Variants in TEX10 observed in about 807,000 individuals in gnomAD.
TEX10 encodes the protein testis expressed 10, also known as testis-expressed protein 10.
TEX10 carries 24 observed loss-of-function variants against 104.4 expected under a neutral mutation model. That is an observed-to-expected ratio of 0.23 (90% CI 0.17 to 0.32). TEX10 has a LOEUF of 0.32. Ranked by LOEUF, TEX10 falls within the 10% of genes least tolerant of loss-of-function variation. The pLI is 1.00. For missense variants in TEX10, 921 were observed against 1,083.9 expected (o/e 0.85, Z 2.11); for synonymous variants, 396 against 393.4 (o/e 1.01, Z -0.08).
intron 13 of TEX10, chr9:100,304,086 G>T: frequency 1.8e-6 from 1 of 544,670 alleles, no homozygotes; most frequent in Non-Finnish European, 3.3e-6. Context: ...ACACTGCTGA[G>T]AGAAATCACA....
intron 4 of TEX10, among the ~76,000 whole-genome samples, chr9:100,342,860 T>A (rs1261156966): frequency 6.6e-6 from 1 of 152,082 alleles, no homozygotes; most frequent in African/African-American, 2.4e-5. Context: ...AAAAACTAGC[T>A]ATATCGGCCG....
chr9:100,311,562 C>T lies in TEX10; in HGVS notation c.2203-1183G>A, dbSNP rs537099698. On this transcript the variant is annotated intron_variant, in intron 11 of 14. Transcript: ENST00000374902. ...GGGCTAACAAAAGCTTTTTTTTGCC[C>T]ACCTGATAGAGAAATGTATCACAGA... Among the ~76,000 whole-genome samples, 18 of 152,102 alleles carry T rather than the reference C, an allele frequency of 1.2e-4. No homozygotes were observed. The South Asian group carries it at 1.2e-3, about 11-fold the overall frequency.
At position 100,309,190 on chromosome 9, in the gene TEX10, G is replaced by A. The variant is rs189633967; in HGVS notation, c.2284-509C>T. Among the ~76,000 whole-genome samples the A allele has an allele frequency of 1.5e-3, 229 of 152,210 alleles. 1 individual carries two copies. The highest frequency in any genetic ancestry group is 2.7e-3 in the Non-Finnish European group (183 of 68,006). On this transcript the variant is annotated intron_variant, in intron 12 of 14. Coordinates refer to ENST00000374902, the MANE Select transcript of TEX10 (RefSeq NM_017746.4). Reference sequence around the variant, plus strand: ...GACATGAATAAACATACCTCTACTGGAGTCAGTAAAAGATATTACTATAGT... The same window carrying A: ...GACATGAATAAACATACCTCTACTGAAGTCAGTAAAAGATATTACTATAGT...
In TEX10 at chr9:100,321,749, A is replaced by T; in HGVS notation, c.2002T>A (p.Tyr668Asn). 1.2e-6 allele frequency: 2 copies of T among 1,612,394 alleles called. No individual in the cohort carries two copies. The highest frequency in any genetic ancestry group is 1.7e-6 in the Non-Finnish European group (2 of 1,179,620). The change falls in exon 10 of 15, where the codon TAT becomes AAT. Residue 668 changes from tyrosine (Y) to asparagine (N), a missense_variant. Coordinates refer to ENST00000374902, the MANE Select transcript of TEX10 (RefSeq NM_017746.4). The stretch of plus-strand genomic sequence containing the variant: ...CTCATCAACCAGTCTTTAGCTGAAT[A>T]CTTCCACCCAGAAAATGATGATCTA... ...HMRSSFSGWK[Y>N]SAKDWLMSDV...
At chr9:100,343,884 G>A (rs1032736284) in intron 4 of TEX10, among the ~76,000 whole-genome samples, 2 of 152,180 alleles carry the variant, frequency 1.3e-5, no homozygotes, top group African/African-American at 4.8e-5. Flanking sequence ...AGAGGCTCAT[G>A]CCTGTAATCT....
chr9:100,313,346 C>T (rs2118843257), intron 11 of TEX10, among the ~76,000 whole-genome samples: 1 of 151,682 alleles, frequency 6.6e-6, no homozygotes, highest in South Asian at 2.1e-4. Context: ...GAAACCCTGT[C>T]TCTACTAAAT....
chr9:100,339,089 A>C (rs1372643183), intron 5 of TEX10, among the ~76,000 whole-genome samples: 1 of 151,052 alleles, frequency 6.6e-6, no homozygotes, highest in Non-Finnish European at 1.5e-5. Context: ...CCCTGTCTCT[A>C]CTAAAAATAC....
In TEX10 at chr9:100,336,960, C is replaced by A. The variant is rs756587732; in HGVS notation, c.1250+3297G>T. On this transcript the variant is annotated intron_variant, in intron 5 of 14. Transcript: ENST00000374902. ...TTTGCTAAAAATCCCTCAATTTCAT[C>A]ATCTCAACCTCCTCATAAAGTTAAT... Among the ~76,000 whole-genome samples, 9 of 152,272 alleles carry A rather than the reference C, an allele frequency of 5.9e-5. No individual in the cohort carries two copies. In the South Asian group the frequency reaches 8.3e-4, roughly 14 times the overall value.
chr9:100,348,525 T>C (rs1835357250), intron 2 of TEX10, among the ~76,000 whole-genome samples: 1 of 152,186 alleles, frequency 6.6e-6, no homozygotes. Flanking sequence ...CTGTATGGGT[T>C]CAAAAATGAA....
chr9:100,315,921 C>T (rs1834405818), intron 11 of TEX10, among the ~76,000 whole-genome samples: 1 of 152,166 alleles, frequency 6.6e-6, no homozygotes, highest in African/African-American at 2.4e-5. Context: ...ACTGCTAGGC[C>T]TTCTGTATCT....
intron 7 of TEX10, 59 bp downstream of exon 7, chr9:100,329,081 C>T: frequency 6.8e-7 from 1 of 1,468,446 alleles, no homozygotes; most frequent in Non-Finnish European, 9.1e-7. Context: ...TATTTAAATA[C>T]TTAGACTACA....
intron 8 of TEX10, among the ~76,000 whole-genome samples, chr9:100,326,883 T>C (rs1209450625): frequency 1.3e-5 from 2 of 152,140 alleles, no homozygotes; most frequent in African/African-American, 2.4e-5. Flanking sequence ...TGACCAATAT[T>C]GAAAAATACA....
chr9:100,328,404 A>C (rs1037082589), intron 7 of TEX10, among the ~76,000 whole-genome samples: 1 of 152,202 alleles, frequency 6.6e-6, no homozygotes. Flanking sequence ...TGGTGATTCT[A>C]TCATGGACTT....
intron 11 of TEX10, among the ~76,000 whole-genome samples, chr9:100,316,976 T>C (rs1834438064): frequency 7.1e-6 from 1 of 140,834 alleles, no homozygotes; most frequent in Admixed American, 7.1e-5. Context: ...TAGAAAACAC[T>C]GATGAAAGAA....
chr9:100,320,222 T>C lies in TEX10; in HGVS notation c.2202+43A>G, dbSNP rs144632385. The C allele has an allele frequency of 5.1e-4, 781 of 1,541,228 alleles. 3 individuals carry two copies. In the African/African-American group the frequency reaches 8.9e-3, roughly 18 times the overall value. ...TAGTAACTATTACTGGTTGATGAAC[T>C]GAATTTTAATAATTATTAGTTTCTT... On this transcript the variant is annotated intron_variant, in intron 11 of 14. Coordinates refer to ENST00000374902, the MANE Select transcript of TEX10 (RefSeq NM_017746.4).
At chr9:100,329,297 C>T (rs1588177011) in intron 6 of TEX10, 22 bp from the exon 7 acceptor site, 1 of 1,583,676 alleles carries the variant, frequency 6.3e-7, no homozygotes, top group Non-Finnish European at 8.5e-7. Flanking sequence ...AAGAAAACAA[C>T]TTGCATATGA....
chr9:100,316,921 G>C (rs974992226), intron 11 of TEX10, among the ~76,000 whole-genome samples: 2 of 116,078 alleles, frequency 1.7e-5, no homozygotes, highest in Non-Finnish European at 3.4e-5. Context: ...AAAAAACCTA[G>C]GAATATATTT....
At chr9:100,338,758 G>A (rs1358793711) in intron 5 of TEX10, among the ~76,000 whole-genome samples, 4 of 151,980 alleles carry the variant, frequency 2.6e-5, no homozygotes, top group Non-Finnish European at 5.9e-5. Context: ...CAGGCGTGGT[G>A]GTGCATGCCT....
chr9:100,352,275 C>G, intron 1 of TEX10: 1 of 1,353,078 alleles, frequency 7.4e-7, no homozygotes, highest in Non-Finnish European at 1.0e-6. Context: ...AGCAAATGGC[C>G]CAGGCAGGGG....
Sources: allele counts gnomAD v4.1 joint callset (sites outside exome capture counted in the v4.1 genomes callset), GRCh38; gene constraint gnomAD v4.1.1; transcripts MANE v1.5; gene names NCBI Gene and HGNC (gene_info 2026-07-23, HGNC 2026-07-21).